The following FBXL7 variants were observed in gnomAD, a reference collection of about 807,000 sequenced individuals.
The protein encoded by FBXL7 is F-box and leucine rich repeat protein 7.
A neutral mutation model predicts 38.3 loss-of-function variants in FBXL7; 12 were observed. That is an observed-to-expected ratio of 0.31 (90% CI 0.20 to 0.51). The LOEUF (loss-of-function observed/expected upper bound fraction) is 0.51, where lower values mean the gene tolerates loss of function less well. FBXL7 is among the 20% of genes least tolerant of loss of function. FBXL7 has a pLI of 0.98. For missense variants in FBXL7, 567 were observed against 676.4 expected (o/e 0.84, Z 1.79); for synonymous variants, 297 against 300.9 (o/e 0.99, Z 0.13).
At chr5:15,752,743 A>T (rs549016022) in intron 2 of FBXL7, among the ~76,000 whole-genome samples, 2 of 152,300 alleles carry the variant, frequency 1.3e-5, no homozygotes, top group African/African-American at 4.8e-5. Flanking sequence ...TAAATGTATG[A>T]ATATTTATAT....
chr5:15,598,236 C>T (rs1039461382), intron 1 of FBXL7, among the ~76,000 whole-genome samples: 1 of 152,196 alleles, frequency 6.6e-6, no homozygotes, highest in South Asian at 2.1e-4. Context: ...TTATCAGATT[C>T]ATCATGTGGC....
chr5:15,740,285 G>A (rs1423377221), intron 2 of FBXL7, among the ~76,000 whole-genome samples: 2 of 152,242 alleles, frequency 1.3e-5, no homozygotes, highest in African/African-American at 4.8e-5. Context: ...AAGGAATTTA[G>A]GACTCATTAC....
chr5:15,638,350 G>T (rs1741253423), intron 2 of FBXL7, among the ~76,000 whole-genome samples: 1 of 152,156 alleles, frequency 6.6e-6, no homozygotes, highest in South Asian at 2.1e-4. Flanking sequence ...CAGGGAGTTT[G>T]TGAACATTGG....
chr5:15,873,879 C>T (rs769099301), intron 2 of FBXL7, among the ~76,000 whole-genome samples: 8 of 152,040 alleles, frequency 5.3e-5, no homozygotes, highest in East Asian at 1.9e-4. Context: ...CTATTCCAAA[C>T]GATAGAAAAA....
chr5:15,815,092 A>G (rs1409958747), intron 2 of FBXL7, among the ~76,000 whole-genome samples: 1 of 152,118 alleles, frequency 6.6e-6, no homozygotes, highest in East Asian at 1.9e-4. Context: ...ATGACTTTAC[A>G]TTTTTGTGTT....
At chr5:15,648,942 A>T (rs1459758681) in intron 2 of FBXL7, among the ~76,000 whole-genome samples, 1 of 151,654 alleles carries the variant, frequency 6.6e-6, no homozygotes, top group Non-Finnish European at 1.5e-5. Context: ...CTTTTAGGAA[A>T]ATGGCCATAT....
intron 1 of FBXL7, among the ~76,000 whole-genome samples, chr5:15,537,637 C>T (rs987890999): frequency 1.9e-4 from 29 of 152,310 alleles, no homozygotes; most frequent in African/African-American, 6.3e-4. Context: ...TTGTGGTCCC[C>T]GAAGGGGGAG....
At chr5:15,766,334 C>T (rs1019540978) in intron 2 of FBXL7, among the ~76,000 whole-genome samples, 4 of 152,220 alleles carry the variant, frequency 2.6e-5, no homozygotes, top group Admixed American at 1.3e-4. Flanking sequence ...TTTGGTATCT[C>T]TGTCTTCCCA....
chr5:15,854,249 A>T (rs1739187435), intron 2 of FBXL7, among the ~76,000 whole-genome samples: 1 of 152,218 alleles, frequency 6.6e-6, no homozygotes, highest in African/African-American at 2.4e-5. Flanking sequence ...GACATGCAAC[A>T]CTAAGAAGTG....
intron 2 of FBXL7, among the ~76,000 whole-genome samples, chr5:15,635,255 T>C (rs1741144490): frequency 6.6e-6 from 1 of 152,106 alleles, no homozygotes; most frequent in South Asian, 2.1e-4. Context: ...GAGGGCTGGA[T>C]AGCTGAGCTC....
chr5:15,860,474 G>T (rs1326132830), intron 2 of FBXL7, among the ~76,000 whole-genome samples: 2 of 152,176 alleles, frequency 1.3e-5, no homozygotes, highest in African/African-American at 4.8e-5. Context: ...TCCAAGCCTT[G>T]CACATCGTAT....
chr5:15,588,930 T>C (rs1389787881), intron 1 of FBXL7, among the ~76,000 whole-genome samples: 1 of 152,218 alleles, frequency 6.6e-6, no homozygotes, highest in Non-Finnish European at 1.5e-5. Flanking sequence ...ATTTTTGTGT[T>C]CCTTCTAACA....
intron 1 of FBXL7, among the ~76,000 whole-genome samples, chr5:15,591,745 T>C (rs1333122306): frequency 2.0e-5 from 3 of 152,044 alleles, no homozygotes; most frequent in African/African-American, 7.2e-5. Context: ...GGAGTCTTGC[T>C]CTGTCACCAG....
chr5:15,729,950 T>C (rs1215485396), intron 2 of FBXL7, among the ~76,000 whole-genome samples: 1 of 152,160 alleles, frequency 6.6e-6, no homozygotes, highest in Non-Finnish European at 1.5e-5. Flanking sequence ...TCACGTTCTT[T>C]ACTGTATGCA....
rs188238894 is a variant in FBXL7, at chr5:15,899,135, C to T, written c.128-28755C>T. On this transcript the variant is annotated intron_variant, in intron 2 of 3. Transcript: ENST00000504595. The stretch of plus-strand genomic sequence containing the variant: ...AGGCTGGAGTGCAATGGTGCAATCT[C>T]GGCTCACCGCAACCTCCACCTCCTG... Among the ~76,000 whole-genome samples the T allele has an allele frequency of 5.1e-3, 777 of 152,152 alleles. 11 individuals carry two copies. Among genetic ancestry groups the T allele is most frequent in the African/African-American group, 0.018 (736 of 41,498 alleles).
Position 15,937,145 on chromosome 5 carries a change from A to C in FBXL7, c.1435A>C (p.Lys479Gln). The change falls in exon 4 of 4, where the codon AAG becomes CAG. Residue 479 changes from lysine (K) to glutamine (Q), a missense_variant. Coordinates refer to ENST00000504595, the MANE Select transcript of FBXL7 (RefSeq NM_012304.5). The part of the protein sequence containing the change: ...EALRFVKRHC[K>Q]RCVIEHTNPA... ...CCTGCGCTTTGTCAAACGCCACTGC[A>C]AGCGCTGCGTCATCGAGCACACCAA... is the stretch of plus-strand genomic sequence containing the variant. 6.2e-7 allele frequency: 1 copy of C among 1,607,630 alleles called. No individual in the cohort carries two copies. The highest frequency in any genetic ancestry group is 1.1e-5 in the South Asian group (1 of 90,562).
intron 2 of FBXL7, among the ~76,000 whole-genome samples, chr5:15,650,361 A>G (rs904220387): frequency 1.3e-5 from 2 of 152,232 alleles, no homozygotes; most frequent in African/African-American, 2.4e-5. Flanking sequence ...TTTATTGCTA[A>G]AAAGTGCTGA....
intron 1 of FBXL7, among the ~76,000 whole-genome samples, chr5:15,515,962 T>C (rs1736924704): frequency 6.6e-6 from 1 of 152,192 alleles, no homozygotes; most frequent in South Asian, 2.1e-4. Context: ...AGCTTATTAT[T>C]ATCACTACTA....
At chr5:15,556,176 T>C (rs1358107983) in intron 1 of FBXL7, among the ~76,000 whole-genome samples, 1 of 152,068 alleles carries the variant, frequency 6.6e-6, no homozygotes, top group South Asian at 2.1e-4. Context: ...TATGTGACTG[T>C]GGAGGCTGGG....
Sources: gnomAD v4.1 joint callset for allele counts (sites outside exome capture counted in the v4.1 genomes callset) on GRCh38, gnomAD v4.1.1 for gene constraint, MANE v1.5 for transcripts, NCBI Gene and HGNC (gene_info 2026-07-23, HGNC 2026-07-21) for gene names.